The following SEMA5A variants were observed in gnomAD, a reference collection of about 807,000 sequenced individuals.
SEMA5A encodes the protein semaphorin-5A.
Under a neutral mutation model 135.5 loss-of-function variants are expected in SEMA5A, and 55 were observed. The observed-to-expected ratio is 0.41, with a 90% CI of 0.33 to 0.51. The LOEUF (loss-of-function observed/expected upper bound fraction) is 0.51. SEMA5A is among the 20% of genes least tolerant of loss of function. The pLI is 0.37. For missense variants in SEMA5A, 1,290 were observed against 1,419.9 expected, an observed-to-expected ratio of 0.91 and a Z score of 1.47; for synonymous variants, 580 against 546.5, an observed-to-expected ratio of 1.06 and a Z score of -0.85.
intron 5 of SEMA5A, among the ~76,000 whole-genome samples, chr5:9,275,090 C>T (rs1014631676): frequency 1.3e-5 from 2 of 151,522 alleles, no homozygotes; most frequent in African/African-American, 4.8e-5. Context: ...TCTAGCCAGA[C>T]TAATAAAGAA....
intron 4 of SEMA5A, among the ~76,000 whole-genome samples, chr5:9,327,585 A>G (rs2150693064): frequency 6.6e-6 from 1 of 152,334 alleles, no homozygotes; most frequent in Non-Finnish European, 1.5e-5. Flanking sequence ...TTATTTAGCA[A>G]GTAGAATGAA....
At chr5:9,396,888 C>T (rs1756428522) in intron 2 of SEMA5A, among the ~76,000 whole-genome samples, 1 of 152,176 alleles carries the variant, frequency 6.6e-6, no homozygotes. Context: ...TCTCACCATC[C>T]TTGATTAACA....
intron 5 of SEMA5A, among the ~76,000 whole-genome samples, chr5:9,313,667 A>G (rs1752244264): frequency 6.6e-6 from 1 of 152,208 alleles, no homozygotes; most frequent in Non-Finnish European, 1.5e-5. Context: ...TCAGAAGTAA[A>G]GGCTATGAGG....
chr5:9,270,774 AAAAAAGAAAAAAAAATAGATT>A (rs1411218548), intron 5 of SEMA5A, among the ~76,000 whole-genome samples: 2 of 151,772 alleles, frequency 1.3e-5, no homozygotes, highest in Non-Finnish European at 2.9e-5. Context: ...ACTTCTGGTC[AAAAAAGAAAAAAAAATAGATT>A]AAATATAAGC....
chr5:9,221,902 G>A lies in SEMA5A; in HGVS notation c.646+2772C>T, dbSNP rs181390024. On this transcript the variant is annotated intron_variant, in intron 8 of 22. Transcript: ENST00000382496. ...TGGAGTGGGGGTAGTTGCAAGGGGA[G>A]AGGACAGGAACTGGGGTGCTTAGAC... 1.4e-3 allele frequency among the ~76,000 whole-genome samples: 215 copies of A among 152,264 alleles called. 2 individuals carry two copies. Among genetic ancestry groups the A allele is most frequent in the African/African-American group, 4.9e-3 (205 of 41,572 alleles).
chr5:9,284,798 A>G (rs996443021), intron 5 of SEMA5A, among the ~76,000 whole-genome samples: 1 of 152,224 alleles, frequency 6.6e-6, no homozygotes, highest in African/African-American at 2.4e-5. Flanking sequence ...CAAAAAGGAT[A>G]AGCTTTAATA....
chr5:9,458,680 G>T (rs1481344332), intron 1 of SEMA5A, among the ~76,000 whole-genome samples: 13 of 152,118 alleles, frequency 8.5e-5, no homozygotes, highest in Non-Finnish European at 8.8e-5. Flanking sequence ...AGAAAACCAG[G>T]GCTCCATGTT....
intron 18 of SEMA5A, among the ~76,000 whole-genome samples, chr5:9,057,769 G>A (rs549208502): frequency 6.4e-4 from 98 of 152,300 alleles, no homozygotes; most frequent in Non-Finnish European, 1.1e-3. Context: ...TACTCTGTCC[G>A]GAAGTTGCTT....
chr5:9,179,771 A>G (rs1005014088), intron 11 of SEMA5A, among the ~76,000 whole-genome samples: 73 of 152,310 alleles, frequency 4.8e-4, no homozygotes, highest in African/African-American at 1.7e-3. Flanking sequence ...GAGTTCAGGG[A>G]GTAGGAGAAG....
chr5:9,325,376 G>A (rs1752824223), intron 4 of SEMA5A, among the ~76,000 whole-genome samples: 2 of 152,048 alleles, frequency 1.3e-5, no homozygotes, highest in Non-Finnish European at 2.9e-5. Flanking sequence ...AAATCACAAA[G>A]CTATTAAGTT....
At chr5:9,315,858 C>T (rs1752366419) in intron 5 of SEMA5A, among the ~76,000 whole-genome samples, 1 of 152,078 alleles carries the variant, frequency 6.6e-6, no homozygotes, top group African/African-American at 2.4e-5. Flanking sequence ...TATAAGTTTT[C>T]CTGTTGTAAT....
At chr5:9,193,585 C>A (rs188073735) in intron 10 of SEMA5A, among the ~76,000 whole-genome samples, 1 of 152,310 alleles carries the variant, frequency 6.6e-6, no homozygotes, top group East Asian at 1.9e-4. Context: ...TGTTCACTTA[C>A]TCCCTTGCAT....
intron 11 of SEMA5A, among the ~76,000 whole-genome samples, chr5:9,177,558 C>T (rs1249011110): frequency 2.0e-5 from 3 of 152,162 alleles, no homozygotes; most frequent in South Asian, 2.1e-4. Flanking sequence ...ACTTGGCCTT[C>T]GTTGAAGATT....
At chr5:9,501,557 A>C (rs1422576482) in intron 1 of SEMA5A, among the ~76,000 whole-genome samples, 1 of 152,212 alleles carries the variant, frequency 6.6e-6, no homozygotes, top group East Asian at 1.9e-4. Context: ...AGAAACATGA[A>C]GTAGATGCTG....
intron 16 of SEMA5A, among the ~76,000 whole-genome samples, chr5:9,100,571 A>T (rs1739570442): frequency 6.6e-6 from 1 of 152,108 alleles, no homozygotes; most frequent in African/African-American, 2.4e-5. Context: ...AAACCCTAAT[A>T]GGAGCTTTTC....
At chr5:9,188,084 G>A (rs56738322) in intron 11 of SEMA5A, among the ~76,000 whole-genome samples, 10,796 of 152,218 alleles carry the variant, frequency 0.071, 441 homozygotes, top group East Asian at 0.17. Flanking sequence ...TTAGGAGACG[G>A]GGCTTTAGGG....
chr5:9,483,904 T>C (rs1420486790), intron 1 of SEMA5A, among the ~76,000 whole-genome samples: 1 of 152,088 alleles, frequency 6.6e-6, no homozygotes, highest in Non-Finnish European at 1.5e-5. Flanking sequence ...ATTCCAGAGG[T>C]GATTCCTTCT....
intron 16 of SEMA5A, among the ~76,000 whole-genome samples, chr5:9,098,456 T>C (rs1739447440): frequency 6.6e-6 from 1 of 152,132 alleles, no homozygotes; most frequent in Non-Finnish European, 1.5e-5. Flanking sequence ...GGATAATCAA[T>C]TGATTAGCTC....
At chr5:9,468,582 C>T (rs1759351057) in intron 1 of SEMA5A, among the ~76,000 whole-genome samples, 1 of 33,702 alleles carries the variant, frequency 3.0e-5, no homozygotes, top group Non-Finnish European at 6.8e-5. Flanking sequence ...TTTCTGGTAA[C>T]ACTTGGGGGT....
Sources: gnomAD v4.1 joint callset for allele counts (sites outside exome capture counted in the v4.1 genomes callset) on GRCh38, gnomAD v4.1.1 for gene constraint, MANE v1.5 for transcripts, NCBI Gene and HGNC (gene_info 2026-07-23, HGNC 2026-07-21) for gene names.